Variants in CACNA1D observed in about 807,000 individuals in gnomAD.
CACNA1D encodes the protein voltage-dependent L-type calcium channel subunit alpha-1D.
A neutral mutation model predicts 257.1 loss-of-function variants in CACNA1D; 55 were observed. The observed-to-expected ratio is 0.21, with a 90% CI of 0.17 to 0.27. The LOEUF is 0.27. Ranked by LOEUF, CACNA1D falls within the 10% of genes least tolerant of loss-of-function variation. The probability of loss-of-function intolerance (pLI) is 1.00; values close to 1 mark genes in which losing one functional copy is unlikely to be tolerated. For missense variants in CACNA1D, 1,876 were observed against 2,784.0 expected (o/e 0.67, Z 7.34); for synonymous variants, 980 against 1,014.9 (o/e 0.97, Z 0.65).
intron 26 of CACNA1D, chr3:53,749,006 G>A (rs2095199571): frequency 1.7e-6 from 1 of 604,536 alleles, no homozygotes; most frequent in East Asian, 3.0e-5. Flanking sequence ...GAGTGTTTTA[G>A]GATATTTGTG....
At position 53,673,759 on chromosome 3, in the gene CACNA1D, G is replaced by T. The variant is rs761633047; in HGVS notation, c.1220+633G>T. On this transcript the variant is annotated intron_variant, in intron 8 of 47. Coordinates refer to ENST00000350061, the MANE Select transcript of CACNA1D (RefSeq NM_001128840.3). The surrounding 1 kb of genome is among the most constrained non-coding windows in gnomAD (Gnocchi z 4.1). The stretch of plus-strand genomic sequence containing the variant: ...GAATGGCCATGGGTGTATTTTGTTA[G>T]TCTGATCATCCTTGGCTCATTTTTC... 6.2e-7 allele frequency: 1 copy of T among 1,614,038 alleles called. No individual in the cohort carries two copies. The highest frequency in any genetic ancestry group is 1.1e-5 in the South Asian group (1 of 91,072).
chr3:53,622,103 A>T (rs936747653), intron 3 of CACNA1D, among the ~76,000 whole-genome samples: 1 of 151,582 alleles, frequency 6.6e-6, no homozygotes, highest in African/African-American at 2.4e-5. Flanking sequence ...GCTGGAGTGC[A>T]GTGACACGAT....
At chr3:53,567,134 A>G (rs948529556) in intron 3 of CACNA1D, among the ~76,000 whole-genome samples, 3 of 152,162 alleles carry the variant, frequency 2.0e-5, no homozygotes, top group African/African-American at 7.2e-5. Flanking sequence ...GACCAGCCAT[A>G]TTCACTGCAG....
Position 53,800,950 on chromosome 3 carries a change from C to A in CACNA1D, c.5041-108C>A. On this transcript the variant is annotated intron_variant, in intron 41 of 47. Coordinates refer to ENST00000350061, the MANE Select transcript of CACNA1D (RefSeq NM_001128840.3). This position sits in a 1 kb window ranked among gnomAD's most constrained non-coding sequence, Gnocchi z 4.3. ...CTCAGATTGTTTTACAGGGATCCTA[C>A]GGAGCTTGCCTAGAATTTGTTTTTC... is the stretch of plus-strand genomic sequence containing the variant. 9.4e-7 allele frequency: 1 copy of A among 1,060,434 alleles called. No individual in the cohort carries two copies. Among genetic ancestry groups the A allele is most frequent in the Non-Finnish European group, 1.5e-6 (1 of 685,458 alleles). The allele number at this position is 1,060,434 out of a possible 1,614,324, so 65.7% of individuals were successfully genotyped here.
chr3:53,727,209 G>T (rs186076331), intron 15 of CACNA1D, among the ~76,000 whole-genome samples: 1 of 152,184 alleles, frequency 6.6e-6, no homozygotes, highest in Non-Finnish European at 1.5e-5. Flanking sequence ...TGAGGGATGC[G>T]CTCTGGCTAA....
rs2094980199 is a variant in CACNA1D, at chr3:53,730,562, C to T, written c.2336+6C>T. 1.9e-6 allele frequency: 3 copies of T among 1,592,040 alleles called. No individual in the cohort carries two copies. Among genetic ancestry groups the T allele is most frequent in the South Asian group, 1.1e-5 (1 of 90,504 alleles). On this transcript the variant is annotated splice_donor_region_variant and intron_variant, in intron 16 of 47. Coordinates refer to ENST00000350061, the MANE Select transcript of CACNA1D (RefSeq NM_001128840.3). ...GAGAGGAAAAAGATTGCCAGGTAAC[C>T]CTATTTTCCCCTGACGTGTTTGTCC...
chr3:53,514,538 C>G (rs934383693), intron 3 of CACNA1D, among the ~76,000 whole-genome samples: 1 of 152,152 alleles, frequency 6.6e-6, no homozygotes, highest in Admixed American at 6.5e-5. Flanking sequence ...CAAGCCCTTT[C>G]TGCATCTGCT....
Position 53,660,115 on chromosome 3 carries a change from C to A in CACNA1D, c.624-18C>A, listed in dbSNP as rs757823727. ...GGGTAACAGACTCTAACATTTCTTT[C>A]TCTTTCTCTTCTTTCAGATTGTTTA... On this transcript the variant is annotated intron_variant, in intron 4 of 47. Coordinates refer to ENST00000350061, the MANE Select transcript of CACNA1D (RefSeq NM_001128840.3). The A allele has an allele frequency of 6.2e-7, 1 of 1,611,692 alleles. No homozygotes were observed. Among genetic ancestry groups the A allele is most frequent in the South Asian group, 1.1e-5 (1 of 91,050 alleles).
At chr3:53,715,456 G>C (rs2094808130) in intron 9 of CACNA1D, among the ~76,000 whole-genome samples, 1 of 152,044 alleles carries the variant, frequency 6.6e-6, no homozygotes, top group Non-Finnish European at 1.5e-5. Context: ...GCTCACACTA[G>C]ATGCGTCTGT....
In CACNA1D at chr3:53,495,875, T is replaced by C. The variant is rs2090319878; in HGVS notation, c.67+642T>C. ...GCTGTGGGGCTCCCCTCCCCAGCTC[T>C]GGCCCGGGCACCACGTGCAGCTTCC... On this transcript the variant is annotated intron_variant, in intron 1 of 47. Coordinates refer to ENST00000350061, the MANE Select transcript of CACNA1D (RefSeq NM_001128840.3). This position sits in a 1 kb window ranked among gnomAD's most constrained non-coding sequence, Gnocchi z 5.1. 6.6e-6 allele frequency among the ~76,000 whole-genome samples: 1 copy of C among 152,154 alleles called. No homozygotes were observed. The highest frequency in any genetic ancestry group is 2.4e-5 in the African/African-American group (1 of 41,514).
chr3:53,531,273 A>G (rs1388666769), intron 3 of CACNA1D, among the ~76,000 whole-genome samples: 1 of 152,164 alleles, frequency 6.6e-6, no homozygotes, highest in African/African-American at 2.4e-5. Context: ...GTATGGTTTA[A>G]TATACCCTTA....
chr3:53,793,896 A>G lies in CACNA1D; in HGVS notation c.4924-6353A>G, dbSNP rs896686353. On this transcript the variant is annotated intron_variant, in intron 40 of 47. Coordinates refer to ENST00000350061, the MANE Select transcript of CACNA1D (RefSeq NM_001128840.3). The surrounding 1 kb of genome is among the most constrained non-coding windows in gnomAD (Gnocchi z 4.1). The stretch of plus-strand genomic sequence containing the variant: ...AGACGACTCAAGTTCATTATTTAGA[A>G]TCTTCACAGACACACACAGCAAACT... Among the ~76,000 whole-genome samples the G allele has an allele frequency of 6.6e-6, 1 of 152,214 alleles. No homozygotes were observed. Among genetic ancestry groups the G allele is most frequent in the African/African-American group, 2.4e-5 (1 of 41,452 alleles).
chr3:53,746,246 G>T (rs946478762), intron 25 of CACNA1D, among the ~76,000 whole-genome samples: 1 of 152,156 alleles, frequency 6.6e-6, no homozygotes, highest in African/African-American at 2.4e-5. Context: ...TAGCTTCCAT[G>T]ACAGCCATGT....
intron 3 of CACNA1D, among the ~76,000 whole-genome samples, chr3:53,504,546 T>C (rs1255475245): frequency 6.6e-6 from 1 of 152,150 alleles, no homozygotes; most frequent in African/African-American, 2.4e-5. Context: ...TCTGCAGCTT[T>C]CGTTTATGGA....
chr3:53,536,071 G>T (rs1038965102), intron 3 of CACNA1D, among the ~76,000 whole-genome samples: 5 of 152,122 alleles, frequency 3.3e-5, no homozygotes, highest in African/African-American at 1.2e-4. Flanking sequence ...TAATGTATAT[G>T]GTTGGACCTA....
intron 3 of CACNA1D, 127 bp from the exon 4 acceptor site, chr3:53,650,652 T>C (rs2094080527): frequency 2.0e-6 from 2 of 991,974 alleles, no homozygotes; most frequent in Non-Finnish European, 3.1e-6. Context: ...TTTCTCATAA[T>C]GAAACTTTGT....
intron 3 of CACNA1D, among the ~76,000 whole-genome samples, chr3:53,529,599 C>T (rs950294344): frequency 8.5e-5 from 13 of 152,122 alleles, no homozygotes; most frequent in African/African-American, 3.1e-4. Flanking sequence ...AGAGTGATGA[C>T]TGTTAGGTAA....
At chr3:53,614,179 G>C (rs962739126) in intron 3 of CACNA1D, among the ~76,000 whole-genome samples, 2 of 151,510 alleles carry the variant, frequency 1.3e-5, no homozygotes, top group Non-Finnish European at 2.9e-5. Flanking sequence ...CTGAGATAGA[G>C]CACTTGAGGA....
intron 35 of CACNA1D, among the ~76,000 whole-genome samples, 196 bp from the exon 36 acceptor site, chr3:53,776,407 A>G (rs1044544877): frequency 6.6e-6 from 1 of 152,234 alleles, no homozygotes; most frequent in African/African-American, 2.4e-5. Context: ...TTCCTTCCCC[A>G]GGACTTAATT....
Sources: allele counts gnomAD v4.1 joint callset (sites outside exome capture counted in the v4.1 genomes callset), GRCh38; gene constraint gnomAD v4.1.1; non-coding constraint Gnocchi (gnomAD v3.1); transcripts MANE v1.5; gene names NCBI Gene and HGNC (gene_info 2026-07-23, HGNC 2026-07-21).